PON2: variants seen among roughly 807,000 people sequenced by gnomAD.
PON2 encodes the protein serum paraoxonase/arylesterase 2.
In PON2, 27 loss-of-function variants were observed where a neutral mutation model predicts 36.6. That is an observed-to-expected ratio of 0.74 (90% CI 0.54 to 1.02). The LOEUF (loss-of-function observed/expected upper bound fraction) is 1.02. PON2 is among the 50% of genes least tolerant of loss of function. The pLI, the probability that PON2 is intolerant of heterozygous loss-of-function variation, is 0.00. For missense variants in PON2, 363 were observed against 421.1 expected, an observed-to-expected ratio of 0.86 and a Z score of 1.21; for synonymous variants, 149 against 156.3, an observed-to-expected ratio of 0.95 and a Z score of 0.35.
intron 5 of PON2, 34 bp from the exon 6 acceptor site, chr7:95,410,135 A>C: frequency 2.0e-6 from 3 of 1,527,672 alleles, no homozygotes; most frequent in South Asian, 2.3e-5. Flanking sequence ...AGAGGAAACA[A>C]AAGGCCTGTT....
chr7:95,405,332 A>AT lies in PON2; in HGVS notation c.1062_1063insA (p.Ter355IlefsTer11). 12 of 1,613,476 alleles carry AT rather than the reference A, an allele frequency of 7.4e-6. No homozygotes were observed. The South Asian group carries it at 1.1e-4, about 15-fold the overall frequency. Reference sequence around the variant, plus strand: ...CACTTTCATGCCAAAAGTACAATTTAGAGTTCACAATACAAGGCTCTGTGG... The same window carrying AT: ...CACTTTCATGCCAAAAGTACAATTTATGAGTTCACAATACAAGGCTCTGTGG... On this transcript the variant is annotated frameshift_variant, in exon 9 of 9. Transcript: ENST00000222572. LOFTEE classifies it high-confidence loss of function.
At chr7:95,429,987 T>C (rs1394809699) in intron 1 of PON2, among the ~76,000 whole-genome samples, 2 of 152,206 alleles carry the variant, frequency 1.3e-5, no homozygotes, top group Non-Finnish European at 2.9e-5. Context: ...GGTTCAGCAC[T>C]AATTATTCAT....
intron 2 of PON2, among the ~76,000 whole-genome samples, chr7:95,422,352 TGGGG>T (rs1789212211): frequency 6.6e-6 from 1 of 152,196 alleles, no homozygotes; most frequent in Non-Finnish European, 1.5e-5. Context: ...GCTTTATCTT[TGGGG>T]TTATTTCTGT....
chr7:95,413,390 G>C (rs1174540142), intron 3 of PON2, among the ~76,000 whole-genome samples: 2 of 152,190 alleles, frequency 1.3e-5, no homozygotes, highest in African/African-American at 4.8e-5. Flanking sequence ...GATTACTGAT[G>C]GTTGTGGTGT....
intron 1 of PON2, among the ~76,000 whole-genome samples, chr7:95,429,341 T>C: frequency 6.6e-6 from 1 of 152,200 alleles, no homozygotes; most frequent in Non-Finnish European, 1.5e-5. Context: ...GCTTCATCCA[T>C]GTCCCTACAA....
chr7:95,431,375 TCAACTTCCTCTGAAGAGCCTTTC>T lies in PON2; in HGVS notation c.74+3480_74+3502del, dbSNP rs17883881. 2.0e-3 allele frequency among the ~76,000 whole-genome samples: 299 copies of T among 152,192 alleles called. 1 individual carries two copies. Among genetic ancestry groups the T allele is most frequent in the Middle Eastern group, 6.8e-3 (2 of 294 alleles). On this transcript the variant is annotated intron_variant, in intron 1 of 8. Coordinates refer to ENST00000222572, the MANE Select transcript of PON2 (RefSeq NM_000305.3). ...AATCAAACATAAAGCCTCTGTTCCTTCAACTTCCTCTGAAGAGCCTTTCCTTATGGGGAGGTGGGAACATGCTT... is the reference window on the plus strand; with the variant it reads ...AATCAAACATAAAGCCTCTGTTCCTTCTTATGGGGAGGTGGGAACATGCTT...
Position 95,410,107 on chromosome 7 carries a change from A to G in PON2, c.495-6T>C. On this transcript the variant is annotated splice_polypyrimidine_tract_variant and splice_region_variant and intron_variant, in intron 5 of 8. Coordinates refer to ENST00000222572, the MANE Select transcript of PON2 (RefSeq NM_000305.3). Reference sequence around the variant, plus strand: ...CAGCTGTGATGTCATTCACACTGAAAAAGAAAAATAGCATGTGAGAGGAAA... The same window carrying G: ...CAGCTGTGATGTCATTCACACTGAAGAAGAAAAATAGCATGTGAGAGGAAA... 6.2e-7 allele frequency: 1 copy of G among 1,611,046 alleles called. No individual in the cohort carries two copies. Among genetic ancestry groups the G allele is most frequent in the Non-Finnish European group, 8.5e-7 (1 of 1,177,576 alleles).
intron 5 of PON2, among the ~76,000 whole-genome samples, chr7:95,411,225 A>C (rs768320227): frequency 2.9e-4 from 44 of 152,282 alleles, no homozygotes; most frequent in Admixed American, 1.2e-3. Context: ...CGATTGGTAT[A>C]AAGTCCCATG....
intron 1 of PON2, among the ~76,000 whole-genome samples, chr7:95,429,181 C>A (rs1220331833): frequency 6.7e-6 from 1 of 149,936 alleles, no homozygotes; most frequent in Non-Finnish European, 1.5e-5. Flanking sequence ...TATCCCTCCC[C>A]CCTCCCCCTA....
chr7:95,411,551 A>G (rs1788924279), intron 5 of PON2, 102 bp downstream of exon 5: 1 of 1,395,414 alleles, frequency 7.2e-7, no homozygotes, highest in Admixed American at 1.8e-5. Flanking sequence ...ATATTAGCTA[A>G]TATATACATT....
chr7:95,434,862 C>A lies in PON2; in HGVS notation c.74+16G>T. ...CTGGGGACCGCCGAGGAGGGGCGCG[C>A]GGGAGTCCCACCTACCTGAGTGCCA... On this transcript the variant is annotated intron_variant, in intron 1 of 8. Coordinates refer to ENST00000222572, the MANE Select transcript of PON2 (RefSeq NM_000305.3). 6.5e-7 allele frequency: 1 copy of A among 1,538,100 alleles called. No homozygotes were observed. Among genetic ancestry groups the A allele is most frequent in the Non-Finnish European group, 8.7e-7 (1 of 1,144,450 alleles).
chr7:95,415,845 G>A (rs1050607451), intron 3 of PON2: 12 of 203,672 alleles, frequency 5.9e-5, no homozygotes, highest in South Asian at 4.8e-4. Context: ...CCAGCTACTC[G>A]GGAGGCTGAG....
intron 1 of PON2, 53 bp downstream of exon 1, chr7:95,434,825 G>A (rs1319125798): frequency 2.0e-6 from 3 of 1,518,700 alleles, no homozygotes; most frequent in African/African-American, 2.8e-5. Flanking sequence ...GCACCACGCG[G>A]CCACCCCGAG....
Position 95,433,422 on chromosome 7 carries a change from T to C in PON2, c.74+1456A>G, listed in dbSNP as rs571254634. 2.0e-5 allele frequency among the ~76,000 whole-genome samples: 3 copies of C among 152,292 alleles called. No individual in the cohort carries two copies. In the South Asian group the frequency reaches 6.2e-4, roughly 32 times the overall value. On this transcript the variant is annotated intron_variant, in intron 1 of 8. Coordinates refer to ENST00000222572, the MANE Select transcript of PON2 (RefSeq NM_000305.3). Reference sequence around the variant, plus strand: ...ATCCAGAACAGCTGAATCAGAATCTTTGGTGGTGCCACTCAGACACCAGCC... The same window carrying C: ...ATCCAGAACAGCTGAATCAGAATCTCTGGTGGTGCCACTCAGACACCAGCC...
intron 3 of PON2, chr7:95,415,773 GA>G (rs1562787908): frequency 2.2e-5 from 4 of 184,970 alleles, no homozygotes; most frequent in Non-Finnish European, 4.6e-5. Context: ...CCAACACGGC[GA>G]AACCCCATCT....
chr7:95,418,852 T>C (rs918256992), intron 2 of PON2, among the ~76,000 whole-genome samples: 1 of 152,170 alleles, frequency 6.6e-6, no homozygotes, highest in South Asian at 2.1e-4. Flanking sequence ...CTTTTTATTA[T>C]GGGAAATAGA....
intron 2 of PON2, 199 bp from the exon 3 acceptor site, chr7:95,416,496 G>A (rs1430063816): frequency 2.1e-5 from 13 of 615,098 alleles, no homozygotes; most frequent in Non-Finnish European, 3.4e-5. Flanking sequence ...TTAAATGTTA[G>A]ATATTTTATG....
chr7:95,411,856 C>A, intron 4 of PON2, 77 bp from the exon 5 acceptor site: 1 of 1,486,302 alleles, frequency 6.7e-7, no homozygotes, highest in Non-Finnish European at 9.3e-7. Context: ...CATTTAAATA[C>A]CACAGGCAAG....
intron 6 of PON2, chr7:95,409,561 C>T (rs1809811763): frequency 1.3e-5 from 2 of 152,150 alleles, no homozygotes; most frequent in African/African-American, 4.9e-5. Context: ...AATATGTATG[C>T]ATCAGTATGA....
Sources: gnomAD v4.1 joint callset for allele counts (sites outside exome capture counted in the v4.1 genomes callset) on GRCh38, gnomAD v4.1.1 for gene constraint, MANE v1.5 for transcripts, NCBI Gene and HGNC (gene_info 2026-07-23, HGNC 2026-07-21) for gene names.